The following PROS1 variants were observed in gnomAD, a reference collection of about 807,000 sequenced individuals.
PROS1 encodes the protein vitamin K-dependent protein S.
In PROS1, 29 loss-of-function variants were observed where a neutral mutation model predicts 75.9. That is an observed-to-expected ratio of 0.38 (90% confidence interval 0.28 to 0.52). The LOEUF (loss-of-function observed/expected upper bound fraction) is 0.52, where lower values mean the gene tolerates loss of function less well. Ranked by LOEUF, PROS1 falls within the 20% of genes least tolerant of loss-of-function variation. The pLI is 0.83. For missense variants in PROS1, 680 were observed against 810.3 expected (o/e 0.84, Z 1.95); for synonymous variants, 245 against 280.6 (o/e 0.87, Z 1.27).
intron 1 of PROS1, among the ~76,000 whole-genome samples, chr3:93,950,594 A>C (rs1280436331): frequency 1.3e-5 from 2 of 152,198 alleles, no homozygotes; most frequent in Non-Finnish European, 2.9e-5. Context: ...ACATCCATCA[A>C]AGCCCAACAG....
chr3:93,912,352 T>C (rs1415294646), intron 3 of PROS1, among the ~76,000 whole-genome samples: 3 of 152,152 alleles, frequency 2.0e-5, no homozygotes, highest in East Asian at 1.9e-4. Context: ...CCCAGGATAA[T>C]GTCTCCATGG....
intron 1 of PROS1, chr3:93,928,742 C>G (rs1186514000): frequency 1.5e-6 from 2 of 1,295,936 alleles, no homozygotes; most frequent in Non-Finnish European, 2.0e-6. Flanking sequence ...ATAAGCCGAC[C>G]AATACAGAAA....
intron 6 of PROS1, among the ~76,000 whole-genome samples, chr3:93,902,197 G>A (rs1043039888): frequency 2.6e-5 from 4 of 151,988 alleles, no homozygotes; most frequent in African/African-American, 9.7e-5. Context: ...TTACTAAGGA[G>A]GATAAGGCAA....
chr3:93,947,802 C>A (rs1709428550), intron 1 of PROS1, among the ~76,000 whole-genome samples: 1 of 152,040 alleles, frequency 6.6e-6, no homozygotes, highest in East Asian at 1.9e-4. Flanking sequence ...CTCCTGATCT[C>A]GTGATCTGCC....
intron 3 of PROS1, among the ~76,000 whole-genome samples, chr3:93,919,783 C>T (rs1708917878): frequency 6.6e-6 from 1 of 151,996 alleles, no homozygotes; most frequent in Admixed American, 6.5e-5. Context: ...AATTAGAAAC[C>T]CATGTTTATT....
At chr3:93,945,805 C>T (rs1256502487) in intron 1 of PROS1, among the ~76,000 whole-genome samples, 3 of 152,124 alleles carry the variant, frequency 2.0e-5, no homozygotes, top group Non-Finnish European at 2.9e-5. Flanking sequence ...GAAGTTCTGG[C>T]CTGGGCAATT....
chr3:93,929,769 T>C (rs572083225), intron 1 of PROS1, among the ~76,000 whole-genome samples: 1 of 152,374 alleles, frequency 6.6e-6, no homozygotes, highest in South Asian at 2.1e-4. Context: ...AGTTTTGGTT[T>C]ATTATTTTAG....
At chr3:93,926,306 T>C (rs1263965737) in intron 2 of PROS1, among the ~76,000 whole-genome samples, 1 of 152,222 alleles carries the variant, frequency 6.6e-6, no homozygotes, top group Non-Finnish European at 1.5e-5. Context: ...TATTAGATGA[T>C]ACCTACAATT....
chr3:93,893,154 G>A (rs903550945), intron 9 of PROS1, 32 bp from the exon 10 acceptor site: 2 of 1,567,506 alleles, frequency 1.3e-6, no homozygotes, highest in African/African-American at 2.7e-5. Context: ...ATCCTTAAGA[G>A]TAAGAAATAC....
intron 1 of PROS1, among the ~76,000 whole-genome samples, chr3:93,928,500 C>G (rs558064561): frequency 6.7e-6 from 1 of 148,412 alleles, no homozygotes; most frequent in Non-Finnish European, 1.5e-5. Flanking sequence ...TGCCACTGCA[C>G]TCCAGCCTGG....
intron 1 of PROS1, among the ~76,000 whole-genome samples, chr3:93,927,850 C>CATATATATATAT (rs62909461): frequency 7.3e-4 from 86 of 117,804 alleles, no homozygotes; most frequent in East Asian, 2.6e-3. Flanking sequence ...AAAAAACAAA[C>CATATATATATAT]ATATATATAT....
chr3:93,876,374 G>T (rs1205503032), intron 14 of PROS1, among the ~76,000 whole-genome samples: 1 of 152,034 alleles, frequency 6.6e-6, no homozygotes, highest in African/African-American at 2.4e-5. Flanking sequence ...GGATCGCAAG[G>T]TCAGGAGATC....
intron 14 of PROS1, among the ~76,000 whole-genome samples, chr3:93,874,932 A>G (rs1348168417): frequency 2.0e-5 from 3 of 152,100 alleles, no homozygotes; most frequent in Admixed American, 2.0e-4. Context: ...ATTCACTTTC[A>G]TGTACTATTT....
intron 10 of PROS1, among the ~76,000 whole-genome samples, chr3:93,886,854 C>T (rs1358693379): frequency 6.6e-6 from 1 of 151,772 alleles, no homozygotes; most frequent in Non-Finnish European, 1.5e-5. Flanking sequence ...ATTTAAGTGG[C>T]CTTATTTTGC....
chr3:93,909,556 T>C (rs1044216840), intron 4 of PROS1, among the ~76,000 whole-genome samples: 4 of 152,130 alleles, frequency 2.6e-5, no homozygotes, highest in African/African-American at 9.7e-5. Context: ...GTTTTTTATT[T>C]GTAATTTCTG....
chr3:93,915,575 C>T (rs1708833238), intron 3 of PROS1, among the ~76,000 whole-genome samples: 1 of 152,238 alleles, frequency 6.6e-6, no homozygotes, highest in Non-Finnish European at 1.5e-5. Context: ...GCCTTCCCTA[C>T]AGCCCTCAGG....
chr3:93,880,751 T>C (rs1387734127), intron 12 of PROS1, among the ~76,000 whole-genome samples: 24 of 152,280 alleles, frequency 1.6e-4, no homozygotes, highest in South Asian at 2.1e-4. Context: ...AAATGTAACA[T>C]TAAATATTAA....
chr3:93,963,695 G>C (rs1223000476), intron 1 of PROS1, among the ~76,000 whole-genome samples: 2 of 126,584 alleles, frequency 1.6e-5, no homozygotes, highest in Admixed American at 1.7e-4. Context: ...ATGGGAGCGC[G>C]AGCTAGAAGG....
chr3:93,947,331 C>T (rs945020706), intron 1 of PROS1, among the ~76,000 whole-genome samples: 2 of 152,096 alleles, frequency 1.3e-5, no homozygotes, highest in African/African-American at 2.4e-5. Context: ...CAACTCCATT[C>T]AGAATAACAA....
Sources: allele counts gnomAD v4.1 joint callset (sites outside exome capture counted in the v4.1 genomes callset), GRCh38; gene constraint gnomAD v4.1.1; transcripts MANE v1.5; gene names NCBI Gene and HGNC (gene_info 2026-07-23, HGNC 2026-07-21).